CADM1: variants seen among roughly 807,000 people sequenced by gnomAD.
CADM1 encodes the protein TSLC-1.
Under a neutral mutation model 53.1 loss-of-function variants are expected in CADM1, and 15 were observed. The observed-to-expected ratio is 0.28, with a 90% confidence interval of 0.19 to 0.44. The LOEUF (loss-of-function observed/expected upper bound fraction) is 0.44. Among genes scored for constraint, CADM1 ranks in the 20% least tolerant of loss-of-function variants. CADM1 has a pLI of 1.00. For synonymous variants in CADM1, 281 were observed against 243.0 expected, an observed-to-expected ratio of 1.16 and a Z score of -1.45; for missense variants, 434 against 611.3, an observed-to-expected ratio of 0.71 and a Z score of 3.06.
intron 1 of CADM1, among the ~76,000 whole-genome samples, chr11:115,440,628 A>T (rs1017627594): frequency 6.6e-6 from 1 of 152,198 alleles, no homozygotes; most frequent in African/African-American, 2.4e-5. Context: ...TTTGGAGGAA[A>T]CACCACTGAA....
intron 1 of CADM1, among the ~76,000 whole-genome samples, chr11:115,370,915 T>C (rs1946291247): frequency 6.6e-6 from 1 of 152,178 alleles, no homozygotes; most frequent in Non-Finnish European, 1.5e-5. Context: ...TAACGAAGAC[T>C]TCCATTTCTC....
intron 1 of CADM1, among the ~76,000 whole-genome samples, chr11:115,289,752 C>T (rs574867724): frequency 1.4e-4 from 22 of 152,014 alleles, no homozygotes; most frequent in Middle Eastern, 3.4e-3. Context: ...CCCACCATCA[C>T]GCCCAGCTAA....
At chr11:115,306,347 T>A (rs139842339) in intron 1 of CADM1, among the ~76,000 whole-genome samples, 1 of 152,000 alleles carries the variant, frequency 6.6e-6, no homozygotes, top group Non-Finnish European at 1.5e-5. Context: ...GACTACACCA[T>A]CTATGTTTAT....
chr11:115,463,937 A>ATT (rs1948845433), intron 1 of CADM1, among the ~76,000 whole-genome samples: 1 of 152,070 alleles, frequency 6.6e-6, no homozygotes, highest in Non-Finnish European at 1.5e-5. Context: ...GTGCAAATTA[A>ATT]TTTTTCTCCC....
chr11:115,184,171 C>T (rs915082353), intron 10 of CADM1, among the ~76,000 whole-genome samples: 2 of 151,920 alleles, frequency 1.3e-5, no homozygotes, highest in Admixed American at 6.6e-5. Flanking sequence ...GTGGATTTCC[C>T]AAATCTGAAG....
chr11:115,203,932 A>T (rs1166320257), intron 8 of CADM1, among the ~76,000 whole-genome samples: 1 of 152,212 alleles, frequency 6.6e-6, no homozygotes, highest in Admixed American at 6.5e-5. Context: ...AAAAACTTGA[A>T]AAGGTGGCTT....
chr11:115,169,337 C>A lies in CADM1; in HGVS notation c.*7137G>T, dbSNP rs949489160. 6 of 285,476 alleles carry A rather than the reference C, an allele frequency of 2.1e-5. No individual in the cohort carries two copies. Among genetic ancestry groups the A allele is most frequent in the Non-Finnish European group, 4.1e-5 (6 of 145,792 alleles). The allele number at this position is 285,476 out of a possible 1,614,324, so 17.7% of individuals were successfully genotyped here. Reference sequence around the variant, plus strand: ...CCTTCTCGATGCATTGGTGTCTCTGCAAGGAAATCTATTATTTTCCATAAA... The same window carrying A: ...CCTTCTCGATGCATTGGTGTCTCTGAAAGGAAATCTATTATTTTCCATAAA... On this transcript the variant is annotated 3_prime_UTR_variant, in exon 12 of 12. Coordinates refer to ENST00000331581, the MANE Select transcript of CADM1 (RefSeq NM_001301043.2).
intron 8 of CADM1, among the ~76,000 whole-genome samples, chr11:115,203,544 A>G (rs2134703049): frequency 6.6e-6 from 1 of 152,192 alleles, no homozygotes; most frequent in East Asian, 1.9e-4. Context: ...TGTAAACATC[A>G]CTTTTTAATT....
At chr11:115,321,553 A>T (rs1003959535) in intron 1 of CADM1, among the ~76,000 whole-genome samples, 2 of 152,228 alleles carry the variant, frequency 1.3e-5, no homozygotes, top group Non-Finnish European at 2.9e-5. Context: ...TAGGGTAATA[A>T]AAATCTTCAT....
intron 1 of CADM1, among the ~76,000 whole-genome samples, chr11:115,485,202 A>G (rs944327621): frequency 1.3e-5 from 2 of 151,948 alleles, no homozygotes; most frequent in Non-Finnish European, 2.9e-5. Flanking sequence ...CACAACTTTA[A>G]CTTCCAGTCC....
rs143495466 is a variant in CADM1 at position 115,239,874 on chromosome 11, A to G, written c.271+400T>C. 2.2e-3 allele frequency among the ~76,000 whole-genome samples: 330 copies of G among 152,334 alleles called. 3 individuals carry two copies. Among genetic ancestry groups the G allele is most frequent in the African/African-American group, 7.6e-3 (317 of 41,582 alleles). ...ACACTTCTATATGCCAAAGGCTATG[A>G]TGAGAGAAGACTTGGTTTTATGCTT... On this transcript the variant is annotated intron_variant, in intron 2 of 11. Transcript: ENST00000331581.
chr11:115,468,085 T>C (rs531206033), intron 1 of CADM1, among the ~76,000 whole-genome samples: 6 of 152,248 alleles, frequency 3.9e-5, no homozygotes, highest in Non-Finnish European at 5.9e-5. Context: ...GCATTCTGTA[T>C]CTGGTATCTA....
At chr11:115,328,664 C>T (rs908248377) in intron 1 of CADM1, among the ~76,000 whole-genome samples, 1 of 57,950 alleles carries the variant, frequency 1.7e-5, no homozygotes, top group Non-Finnish European at 3.8e-5. Flanking sequence ...TACACACGCA[C>T]ACTATATATA....
intron 1 of CADM1, chr11:115,363,547 A>C (rs1461028686): frequency 6.6e-6 from 1 of 152,248 alleles, no homozygotes; most frequent in Non-Finnish European, 1.5e-5. Flanking sequence ...GTTAAGAATA[A>C]TAGAAAGAAT....
At chr11:115,213,699 T>C (rs2134754436) in intron 7 of CADM1, among the ~76,000 whole-genome samples, 1 of 152,304 alleles carries the variant, frequency 6.6e-6, no homozygotes, top group South Asian at 2.1e-4. Context: ...ATTTGGATTA[T>C]TTACACTGGT....
intron 1 of CADM1, among the ~76,000 whole-genome samples, chr11:115,288,259 A>G (rs1943783791): frequency 6.6e-6 from 1 of 152,230 alleles, no homozygotes; most frequent in Non-Finnish European, 1.5e-5. Flanking sequence ...TGGGTCATCT[A>G]GAATTCTAGC....
chr11:115,234,469 T>C (rs1273131213), intron 3 of CADM1, among the ~76,000 whole-genome samples: 1 of 152,192 alleles, frequency 6.6e-6, no homozygotes, highest in African/African-American at 2.4e-5. Flanking sequence ...CTGCAACAGA[T>C]AAATTCTACT....
At position 115,174,896 on chromosome 11, in the gene CADM1, C is replaced by T. The variant is rs561542267; in HGVS notation, c.*1578G>A. 7 of 985,634 alleles carry T rather than the reference C, an allele frequency of 7.1e-6. No individual in the cohort carries two copies. In the South Asian group the frequency reaches 3.3e-4, roughly 46 times the overall value. 61.1% of individuals were successfully genotyped at this position (985,634 alleles called of 1,614,324 possible). On this transcript the variant is annotated 3_prime_UTR_variant, in exon 12 of 12. Transcript: ENST00000331581. ...ATTTCCTAGACGTTTCAGTGAAAAT[C>T]CCCACACTTCTTTCTTTAAAACATG...
intron 1 of CADM1, among the ~76,000 whole-genome samples, chr11:115,329,636 C>T (rs12277753): frequency 0.2 from 30,178 of 151,990 alleles, 4,312 homozygotes; most frequent in African/African-American, 0.4. Context: ...TGCTACAGTG[C>T]TCTTTTAGCT....
Sources: allele counts gnomAD v4.1 joint callset (sites outside exome capture counted in the v4.1 genomes callset), GRCh38; gene constraint gnomAD v4.1.1; transcripts MANE v1.5; gene names NCBI Gene and HGNC (gene_info 2026-07-23, HGNC 2026-07-21).